The following DIAPH2 variants were observed in gnomAD, a reference collection of about 807,000 sequenced individuals.
DIAPH2 encodes the protein protein diaphanous homolog 2.
DIAPH2 carries 35 observed loss-of-function variants against 92.7 expected under a neutral mutation model. The ratio of observed to expected loss-of-function variants is 0.38; its 90% CI spans 0.29 to 0.50. DIAPH2 has a LOEUF of 0.50. Ranked by LOEUF, DIAPH2 falls within the 20% of genes least tolerant of loss-of-function variation. The pLI, the probability that DIAPH2 is intolerant of heterozygous loss-of-function variation, is 0.94. For synonymous variants in DIAPH2, 301 were observed against 280.4 expected, an observed-to-expected ratio of 1.07 and a Z score of -0.73; for missense variants, 701 against 819.5, an observed-to-expected ratio of 0.86 and a Z score of 1.77.
At position 97,451,900 on chromosome X, in the gene DIAPH2, A is replaced by G. The variant is rs755918379; in HGVS notation, c.3241+22155A>G. On this transcript the variant is annotated intron_variant, in intron 26 of 26. Coordinates refer to ENST00000324765, the MANE Select transcript of DIAPH2 (RefSeq NM_006729.5). ...CCTGGCCTTCATAGTTCAACTTTAG[A>G]CTTCTTTTTTTATGACTACATCTAT... Among the ~76,000 whole-genome samples, 5 of 111,604 alleles carry G rather than the reference A, an allele frequency of 4.5e-5. No individual in the cohort carries two copies. The South Asian group carries it at 1.9e-3, about 41-fold the overall frequency.
chrX:96,835,865 G>A lies in DIAPH2; in HGVS notation c.448-45714G>A, dbSNP rs2064882821. ...TCTCACTCCAGTTGCCCAGACTGGA[G>A]TGCAGTGATGTGATCATGGCTCACT... is the stretch of plus-strand genomic sequence containing the variant. On this transcript the variant is annotated intron_variant, in intron 4 of 26. Coordinates refer to ENST00000324765, the MANE Select transcript of DIAPH2 (RefSeq NM_006729.5). Among the ~76,000 whole-genome samples, 3 of 110,746 alleles carry A rather than the reference G, an allele frequency of 2.7e-5. No homozygotes were observed. The South Asian group carries it at 1.2e-3, about 43-fold the overall frequency.
chrX:96,912,023 G>T (rs1037046999), intron 5 of DIAPH2, among the ~76,000 whole-genome samples: 3 of 111,486 alleles, frequency 2.7e-5, no homozygotes, highest in Non-Finnish European at 3.8e-5. Flanking sequence ...TTGACTTAGG[G>T]GTATGGAGAC....
At chrX:97,291,539 CT>C (rs755088053) in intron 23 of DIAPH2, among the ~76,000 whole-genome samples, 49 of 104,604 alleles carry the variant, frequency 4.7e-4, no homozygotes, top group Admixed American at 1.2e-3. Context: ...AAAGTAAACA[CT>C]TTTTTTTTTT....
chrX:96,806,612 C>T (rs745321682), intron 4 of DIAPH2, among the ~76,000 whole-genome samples: 1 of 80,848 alleles, frequency 1.2e-5, no homozygotes, highest in Non-Finnish European at 2.2e-5. Context: ...TGCCATTGCA[C>T]TCCAGCCTGG....
At position 97,079,088 on chromosome X, in the gene DIAPH2, T is replaced by C. The variant is rs754642146; in HGVS notation, c.2247+3827T>C. On this transcript the variant is annotated intron_variant, in intron 19 of 26. Transcript: ENST00000324765. The stretch of plus-strand genomic sequence containing the variant: ...TCCCTCACTTCTGTTTTATTTGGCC[T>C]TTCTAGTGCCTAATCAGTGAAATTT... Among the ~76,000 whole-genome samples the C allele has an allele frequency of 6.3e-5, 7 of 111,148 alleles. No individual in the cohort carries two copies. In the East Asian group the frequency reaches 2.0e-3, roughly 31 times the overall value.
rs1333217065 is a variant in DIAPH2, at chrX:96,806,673, G to GAAAC, written c.447+48418_447+48419insCAAA. On this transcript the variant is annotated intron_variant, in intron 4 of 26. Transcript: ENST00000324765. ...AAAAAAAAAAAAAAAAAGAAACAAA[G>GAAAC]AAATTATATTTCATTTGTCCTGTCT... Among the ~76,000 whole-genome samples the GAAAC allele has an allele frequency of 4.8e-5, 4 of 83,311 alleles. No homozygotes were observed. In the East Asian group the frequency reaches 1.8e-3, roughly 37 times the overall value. 72.3% of individuals were successfully genotyped at this position (83,311 alleles called of 115,157 possible).
At chrX:96,897,786 AC>A (rs2065356404) in intron 5 of DIAPH2, among the ~76,000 whole-genome samples, 1 of 100,341 alleles carries the variant, frequency 1.0e-5, no homozygotes, top group Admixed American at 1.1e-4. Context: ...CAGGTTAGTT[AC>A]ATATGTATAC....
At position 97,050,494 on chromosome X, in the gene DIAPH2, C is replaced by A. The variant is rs190815641; in HGVS notation, c.2051-22447C>A. Among the ~76,000 whole-genome samples, 3 of 106,726 alleles carry A rather than the reference C, an allele frequency of 2.8e-5. No individual in the cohort carries two copies. The East Asian group carries it at 8.6e-4, about 31-fold the overall frequency. 92.7% of individuals were successfully genotyped at this position (106,726 alleles called of 115,157 possible). A position where few individuals can be genotyped will look rare whatever the true frequency, so the allele number is the denominator to read the frequency against. On this transcript the variant is annotated intron_variant, in intron 17 of 26. Coordinates refer to ENST00000324765, the MANE Select transcript of DIAPH2 (RefSeq NM_006729.5). Reference sequence around the variant, plus strand: ...CATCAACAACACACAAATAATAGAACCACGTTTTTTTGTTTTTTTTTTTTT... The same window carrying A: ...CATCAACAACACACAAATAATAGAAACACGTTTTTTTGTTTTTTTTTTTTT...
chrX:97,414,743 A>G (rs2147763629), intron 25 of DIAPH2, among the ~76,000 whole-genome samples: 1 of 111,487 alleles, frequency 9.0e-6, no homozygotes, highest in South Asian at 3.8e-4. Flanking sequence ...TAAGTGTTAG[A>G]CATAAAGCCA....
chrX:97,258,402 C>T lies in DIAPH2; in HGVS notation c.2844+10563C>T, dbSNP rs545027760. Among the ~76,000 whole-genome samples, 70 of 110,357 alleles carry T rather than the reference C, an allele frequency of 6.3e-4. No homozygotes were observed. The South Asian group carries it at 0.025, about 39-fold the overall frequency. Reference sequence around the variant, plus strand: ...CAGCCTGGACAACATGGTGAAACCCCGTCTCTACTAAAAATACAAAAATTA... The same window carrying T: ...CAGCCTGGACAACATGGTGAAACCCTGTCTCTACTAAAAATACAAAAATTA... On this transcript the variant is annotated intron_variant, in intron 23 of 26. Transcript: ENST00000324765.
intron 4 of DIAPH2, among the ~76,000 whole-genome samples, chrX:96,807,033 C>T (rs1163306700): frequency 1.8e-5 from 2 of 112,002 alleles, no homozygotes; most frequent in African/African-American, 3.2e-5. Flanking sequence ...TGAGCCACCG[C>T]GCCTGGCCCT....
intron 5 of DIAPH2, chrX:96,885,417 A>G (rs1316592652): frequency 6.2e-6 from 1 of 160,908 alleles, no homozygotes; most frequent in Non-Finnish European, 1.2e-5. Flanking sequence ...CCAAAAGAAA[A>G]ACTAGTTGCA....
In DIAPH2 at chrX:96,967,536, C is replaced by T. The variant is rs777015794; in HGVS notation, c.2050+2329C>T. Among the ~76,000 whole-genome samples the T allele has an allele frequency of 1.5e-4, 17 of 109,880 alleles. No homozygotes were observed. In the South Asian group the frequency reaches 6.9e-3, roughly 44 times the overall value. ...CCGAGTTCAAGCAATTCTCCTACCTCAGCTTCCCGAGTATCTGGGATTACA... is the reference window on the plus strand; with the variant it reads ...CCGAGTTCAAGCAATTCTCCTACCTTAGCTTCCCGAGTATCTGGGATTACA... On this transcript the variant is annotated intron_variant, in intron 17 of 26. Transcript: ENST00000324765.
intron 13 of DIAPH2, among the ~76,000 whole-genome samples, chrX:96,943,747 C>T (rs781756326): frequency 5.4e-5 from 6 of 110,956 alleles, no homozygotes; most frequent in South Asian, 7.5e-4. Context: ...ATTCAACAGA[C>T]GTTTGTTTTG....
chrX:96,916,719 G>A (rs1324715523), intron 8 of DIAPH2, 145 bp downstream of exon 8: 7 of 622,008 alleles, frequency 1.1e-5, no homozygotes, highest in Non-Finnish European at 1.6e-5. Context: ...TATCTTGCCT[G>A]TTTATATTTT....
intron 17 of DIAPH2, among the ~76,000 whole-genome samples, chrX:96,991,352 A>C (rs2066069035): frequency 9.1e-6 from 1 of 110,068 alleles, no homozygotes; most frequent in Non-Finnish European, 1.9e-5. Flanking sequence ...TCCTGACCTC[A>C]GGTGATCCAC....
chrX:97,493,780 G>T (rs917260507), intron 26 of DIAPH2, among the ~76,000 whole-genome samples: 1 of 109,501 alleles, frequency 9.1e-6, no homozygotes, highest in Non-Finnish European at 1.9e-5. Flanking sequence ...CAGCTACTGG[G>T]GAGGCTGAGG....
intron 15 of DIAPH2, among the ~76,000 whole-genome samples, chrX:96,954,636 ACT>A (rs903238868): frequency 3.6e-5 from 4 of 112,262 alleles, no homozygotes; most frequent in African/African-American, 9.7e-5. Context: ...TCATGTTCAG[ACT>A]CTGAAACTTT....
intron 19 of DIAPH2, among the ~76,000 whole-genome samples, chrX:97,093,711 G>A (rs1331959570): frequency 5.4e-5 from 6 of 111,953 alleles, no homozygotes; most frequent in Non-Finnish European, 1.1e-4. Flanking sequence ...CATAAATTAT[G>A]TAGAAAGCAA....
Sources: allele counts gnomAD v4.1 joint callset (sites outside exome capture counted in the v4.1 genomes callset), GRCh38; gene constraint gnomAD v4.1.1; transcripts MANE v1.5; gene names NCBI Gene and HGNC (gene_info 2026-07-23, HGNC 2026-07-21).